The following EIF3CL variants were observed in gnomAD, a reference collection of about 807,000 sequenced individuals.
EIF3CL encodes the protein eukaryotic translation initiation factor 3 subunit C like.
For missense variants in EIF3CL, 5 were observed against 56.1 expected (o/e 0.09, Z 2.91); for synonymous variants, 2 against 19.6 (o/e 0.10, Z 2.37).
the EIF3CL span, among the ~76,000 whole-genome samples, chr16:28,415,894 C>G: frequency 9.7e-6 from 1 of 103,186 alleles, no homozygotes; most frequent in Non-Finnish European, 2.0e-5. Flanking sequence ...CCACGGTCTC[C>G]CTCTCATGCG....
chr16:28,415,841 C>CCTCTCCCT, the EIF3CL span, among the ~76,000 whole-genome samples: 1 of 112,834 alleles, frequency 8.9e-6, no homozygotes, highest in Non-Finnish European at 1.9e-5. Context: ...TCTCCCTCTC[C>CCTCTCCCT]CTCTCCCTCT....
chr16:28,417,359 C>A, the EIF3CL span, among the ~76,000 whole-genome samples: 1 of 140,038 alleles, frequency 7.1e-6, no homozygotes, highest in Middle Eastern at 3.4e-3. Context: ...ACAATGGCGG[C>A]TTTGTGGAAT....
the EIF3CL span, among the ~76,000 whole-genome samples, chr16:28,417,244 C>T: frequency 4.0e-5 from 6 of 149,504 alleles, no homozygotes; most frequent in South Asian, 2.1e-4. Flanking sequence ...AAGTGAGGGG[C>T]GCCTCTGCCC....
the EIF3CL span, chr16:28,414,740 A>G: frequency 5.0e-6 from 2 of 403,036 alleles, no homozygotes; most frequent in African/African-American, 2.2e-5. Context: ...CAGGAGTACT[A>G]GGAGGAGGAG....
At chr16:28,415,860 G>GTCTCCA in the EIF3CL span, among the ~76,000 whole-genome samples, 1 of 90,218 alleles carries the variant, frequency 1.1e-5, no homozygotes, top group Non-Finnish European at 2.3e-5. Context: ...CTCCGTCTCC[G>GTCTCCA]TCTCCATCTC....
the EIF3CL span, among the ~76,000 whole-genome samples, chr16:28,415,816 TC>T: frequency 4.3e-5 from 3 of 69,176 alleles, no homozygotes; most frequent in African/African-American, 1.5e-4. Flanking sequence ...CTCTCCCTCT[TC>T]CTCTCCCTCT....
At chr16:28,415,791 GCCCTCTCCCTCT>G in the EIF3CL span, among the ~76,000 whole-genome samples, 54 of 122,732 alleles carry the variant, frequency 4.4e-4, no homozygotes, top group Non-Finnish European at 7.3e-4. Context: ...CTATTTTCAT[GCCCTCTCCCTCT>G]CCCTCTCCCT....
chr16:28,416,673 G>A, the EIF3CL span, among the ~76,000 whole-genome samples: 1 of 113,158 alleles, frequency 8.8e-6, no homozygotes. Context: ...TGAGAAGTGA[G>A]GAGCGTCTCC....
the EIF3CL span, among the ~76,000 whole-genome samples, chr16:28,418,944 G>A: frequency 6.8e-6 from 1 of 147,888 alleles, no homozygotes; most frequent in Non-Finnish European, 1.5e-5. Context: ...GCAAGTCTTT[G>A]AGGGTGGCAC....
At chr16:28,417,871 G>GAAA in the EIF3CL span, among the ~76,000 whole-genome samples, 5 of 67,172 alleles carry the variant, frequency 7.4e-5, no homozygotes, top group African/African-American at 2.3e-4. Flanking sequence ...CTTTAGGAAT[G>GAAA]CAAAAAAAAA....
the EIF3CL span, among the ~76,000 whole-genome samples, chr16:28,417,746 T>C: frequency 7.4e-6 from 1 of 134,728 alleles, no homozygotes; most frequent in African/African-American, 2.6e-5. Context: ...TCTGCTGACC[T>C]TCCCTCCACT....
At chr16:28,405,976 CAG>C (rs1423985620), upstream of EIF3CL, among the ~76,000 whole-genome samples, 37 of 82,074 alleles carry the variant, frequency 4.5e-4, no homozygotes, top group Non-Finnish European at 6.1e-4. Context: ...TCAATAAATA[CAG>C]TCAATCCTCC....
intron 15 of EIF3CL, among the ~76,000 whole-genome samples, chr16:28,387,710 C>T (rs1481880297): frequency 6.8e-6 from 1 of 146,490 alleles, no homozygotes; most frequent in Non-Finnish European, 1.5e-5. Flanking sequence ...ATAAACATTT[C>T]CTAGTTGCCT....
At chr16:28,422,527 C>T in the EIF3CL span, among the ~76,000 whole-genome samples, 1 of 133,958 alleles carries the variant, frequency 7.5e-6, no homozygotes, top group Admixed American at 8.0e-5. Context: ...GCACCTGGCC[C>T]GGTTCTTATT....
At chr16:28,417,304 G>C in the EIF3CL span, among the ~76,000 whole-genome samples, 2 of 147,862 alleles carry the variant, frequency 1.4e-5, no homozygotes, top group African/African-American at 5.1e-5. Flanking sequence ...CCACCACCCC[G>C]TCTGGGAGGT....
At chr16:28,415,812 CTCT>C in the EIF3CL span, among the ~76,000 whole-genome samples, 1 of 74,580 alleles carries the variant, frequency 1.3e-5, no homozygotes, top group Admixed American at 1.5e-4. Context: ...CTCCCTCTCC[CTCT>C]TCCTCTCCCT....
At chr16:28,415,368 G>C in the EIF3CL span, among the ~76,000 whole-genome samples, 1 of 112,970 alleles carries the variant, frequency 8.9e-6, no homozygotes, top group East Asian at 2.9e-4. Context: ...TCAGGTCACC[G>C]GGTTCTGTTT....
the EIF3CL span, among the ~76,000 whole-genome samples, chr16:28,415,703 T>C: frequency 1.5e-5 from 2 of 133,934 alleles, no homozygotes; most frequent in South Asian, 4.5e-4. Flanking sequence ...TGAGCTGAGA[T>C]AGTGCCACTG....
the EIF3CL span, among the ~76,000 whole-genome samples, chr16:28,415,816 TCCTCTCCCTCTC>T: frequency 0.073 from 5,057 of 69,114 alleles, 412 homozygotes; most frequent in South Asian, 0.19. Flanking sequence ...CTCTCCCTCT[TCCTCTCCCTCTC>T]CCTCTCCCTC....
Sources: gnomAD v4.1 joint callset for allele counts (sites outside exome capture counted in the v4.1 genomes callset) on GRCh38, gnomAD v4.1.1 for gene constraint, MANE v1.5 for transcripts, NCBI Gene and HGNC (gene_info 2026-07-23, HGNC 2026-07-21) for gene names.